Variants in ABCA12 observed in about 807,000 individuals in gnomAD.
ABCA12 encodes the protein glucosylceramide transporter ABCA12.
ABCA12 carries 156 observed loss-of-function variants against 293.5 expected under a neutral mutation model. That is an observed-to-expected ratio of 0.53 (90% CI 0.47 to 0.61). ABCA12 has a LOEUF of 0.61. ABCA12 is among the 20% of genes least tolerant of loss of function. ABCA12 has a pLI of 0.00. For synonymous variants in ABCA12, 1,063 were observed against 1,108.0 expected, an observed-to-expected ratio of 0.96 and a Z score of 0.81; for missense variants, 2,797 against 3,090.2, an observed-to-expected ratio of 0.91 and a Z score of 2.25.
Position 214,948,678 on chromosome 2 carries a change from GC to G in ABCA12, c.7021del (p.Ala2341ProfsTer2). 6.2e-7 allele frequency: 1 copy of G among 1,613,992 alleles called. No individual in the cohort carries two copies. On this transcript the variant is annotated frameshift_variant, in exon 47 of 53. Transcript: ENST00000272895. LOFTEE classifies it high-confidence loss of function. ...SLVGYCPQED[A>X]LDDLVTVEEH... ...TTCCACAGTTACCAGGTCATCTAAG[GC>G]ATCTTCCTGAGGACAGTAGCCAACT... is the stretch of plus-strand genomic sequence containing the variant.
Position 214,937,546 on chromosome 2 carries a change from C to T in ABCA12, c.7506G>A (p.Lys2502=). 6.2e-7 allele frequency: 1 copy of T among 1,613,940 alleles called. No homozygotes were observed. The highest frequency in any genetic ancestry group is 1.3e-5 in the African/African-American group (1 of 75,034). The change falls in exon 51 of 53, where the codon AAG becomes AAA. Residue 2502 remains lysine, a synonymous_variant. Transcript: ENST00000272895. ...NNKVTMETLT[K]FMQLHFPKTY... Reference sequence around the variant, plus strand: ...TTTTTGGAAAGTGCAGCTGCATGAACTTTGTGAGGGTCTCCATGGTCACTT... The same window carrying T: ...TTTTTGGAAAGTGCAGCTGCATGAATTTTGTGAGGGTCTCCATGGTCACTT...
intron 23 of ABCA12, among the ~76,000 whole-genome samples, chr2:214,995,101 G>C (rs1265584344): frequency 6.6e-6 from 1 of 151,886 alleles, no homozygotes; most frequent in Non-Finnish European, 1.5e-5. Flanking sequence ...TTATACTATG[G>C]GCTTACTTTA....
At chr2:215,009,392 C>G (rs1415808206) in intron 18 of ABCA12, among the ~76,000 whole-genome samples, 1 of 152,022 alleles carries the variant, frequency 6.6e-6, no homozygotes, top group East Asian at 1.9e-4. Flanking sequence ...ATAATCTGTA[C>G]AGCAAACCCC....
chr2:215,080,803 AG>A (rs1701922264), intron 2 of ABCA12: 1 of 153,030 alleles, frequency 6.5e-6, no homozygotes, highest in South Asian at 2.1e-4. Flanking sequence ...CGGTATCTTA[AG>A]TGCTGTATTC....
chr2:215,121,836 T>G (rs1354445574), intron 1 of ABCA12, among the ~76,000 whole-genome samples: 2 of 152,322 alleles, frequency 1.3e-5, no homozygotes, highest in East Asian at 3.9e-4. Context: ...CCTGCTGCCA[T>G]GTAAGATGTA....
At chr2:215,120,681 C>T (rs1702788793) in intron 1 of ABCA12, among the ~76,000 whole-genome samples, 1 of 152,050 alleles carries the variant, frequency 6.6e-6, no homozygotes, top group Non-Finnish European at 1.5e-5. Context: ...ATATATCTGC[C>T]ATATGGTTAT....
chr2:215,044,250 C>T (rs765280017), intron 7 of ABCA12, among the ~76,000 whole-genome samples: 2 of 152,116 alleles, frequency 1.3e-5, no homozygotes, highest in Admixed American at 6.5e-5. Flanking sequence ...TTCCAAATGA[C>T]TGTGTTGTTT....
chr2:214,934,287 C>T (rs1698153078), intron 51 of ABCA12, 72 bp from the exon 52 acceptor site: 1 of 1,552,136 alleles, frequency 6.4e-7, no homozygotes, highest in East Asian at 2.2e-5. Flanking sequence ...CATAACTTTA[C>T]CAAGAGTTCA....
chr2:214,955,132 A>T, intron 43 of ABCA12, 70 bp downstream of exon 43: 1 of 1,544,294 alleles, frequency 6.5e-7, no homozygotes, highest in Non-Finnish European at 8.9e-7. Flanking sequence ...TTTTATGTAG[A>T]ATAAATAAAA....
chr2:215,072,823 G>T (rs945776554), intron 2 of ABCA12, among the ~76,000 whole-genome samples: 1 of 152,150 alleles, frequency 6.6e-6, no homozygotes, highest in East Asian at 1.9e-4. Context: ...TTCGCCAGGC[G>T]CGGTGGCTCA....
chr2:215,133,389 A>G (rs1423824299), intron 1 of ABCA12, among the ~76,000 whole-genome samples: 1 of 151,644 alleles, frequency 6.6e-6, no homozygotes, highest in African/African-American at 2.4e-5. Context: ...CTTCTCTATC[A>G]AGAATTCCAA....
chr2:215,015,225 G>T (rs946583765), intron 15 of ABCA12, among the ~76,000 whole-genome samples: 1 of 151,560 alleles, frequency 6.6e-6, no homozygotes, highest in African/African-American at 2.4e-5. Flanking sequence ...GTATTTCACA[G>T]TAACAGTACA....
intron 28 of ABCA12, among the ~76,000 whole-genome samples, chr2:214,985,062 C>A (rs945330736): frequency 1.3e-5 from 2 of 152,214 alleles, no homozygotes; most frequent in Admixed American, 1.3e-4. Flanking sequence ...CCTTGCAGTG[C>A]AGACTTCTGG....
At position 215,052,542 on chromosome 2, in the gene ABCA12, C is replaced by G. The variant is rs1325801072; in HGVS notation, c.452G>C (p.Gly151Ala). The G allele has an allele frequency of 6.2e-7, 1 of 1,612,648 alleles. No homozygotes were observed. Among genetic ancestry groups the G allele is most frequent in the Admixed American group, 1.7e-5 (1 of 59,936 alleles). The change falls in exon 5 of 53, where the codon GGA becomes GCA. Residue 151 changes from glycine to alanine, a missense_variant. Gly to Ala is a moderately conservative substitution (Grantham distance 60, BLOSUM62 0). Transcript: ENST00000272895. The part of the protein sequence containing the change: ...PSPSSDLEIP[G>A]TYTFNGSQVL... ...TTGACTGCCATTGAAAGTATATGTT[C>G]CGGGGATTTCCAAATCAGAACTTGG...
chr2:215,117,308 G>A (rs775997941), intron 1 of ABCA12, among the ~76,000 whole-genome samples: 1 of 152,162 alleles, frequency 6.6e-6, no homozygotes, highest in Non-Finnish European at 1.5e-5. Context: ...TTGCATGCAA[G>A]TGTTGAGGTT....
chr2:214,932,147 T>A lies in ABCA12; in HGVS notation c.*487A>T, dbSNP rs1465117791. 9.9e-6 allele frequency: 2 copies of A among 201,702 alleles called. No homozygotes were observed. The highest frequency in any genetic ancestry group is 2.0e-5 in the Non-Finnish European group (2 of 98,666). The allele number at this position is 201,702 out of a possible 1,614,324, so 12.5% of individuals were successfully genotyped here. A position where few individuals can be genotyped will look rare whatever the true frequency, so the allele number is the denominator to read the frequency against. On this transcript the variant is annotated 3_prime_UTR_variant, in exon 53 of 53. Transcript: ENST00000272895. ...TGCTCTGCAAACGTTCATTTGGCCC[T>A]TAGCAGTTCACACATCACAGCCGAT...
chr2:214,975,813 C>T lies in ABCA12; in HGVS notation c.5353G>A (p.Gly1785Ser), dbSNP rs1699502021. ...PEIQISPSLY[G>S]TSEQTAFYAN... ...TAGAAGGCTGTCTGTTCGGAGGTAC[C>T]ATAAAGAGAGGGGGAGATCTGAATC... The change falls in exon 34 of 53, where the codon GGT becomes AGT. Residue 1785 changes from glycine to serine, a missense_variant. Coordinates refer to ENST00000272895, the MANE Select transcript of ABCA12 (RefSeq NM_173076.3). The T allele has an allele frequency of 1.2e-6, 2 of 1,613,980 alleles. No individual in the cohort carries two copies. The highest frequency in any genetic ancestry group is 2.2e-5 in the East Asian group (1 of 44,868).
intron 23 of ABCA12, among the ~76,000 whole-genome samples, chr2:214,996,491 A>C (rs1167890485): frequency 6.6e-6 from 1 of 152,154 alleles, no homozygotes; most frequent in African/African-American, 2.4e-5. Flanking sequence ...GGAACCTGAA[A>C]GATAACTAGA....
At chr2:214,994,612 C>T (rs187851738) in intron 23 of ABCA12, among the ~76,000 whole-genome samples, 102 of 152,258 alleles carry the variant, frequency 6.7e-4, no homozygotes, top group Middle Eastern at 3.4e-3. Flanking sequence ...ACATTTTCTA[C>T]CTCAATTTCT....
Sources: gnomAD v4.1 joint callset for allele counts (sites outside exome capture counted in the v4.1 genomes callset) on GRCh38, gnomAD v4.1.1 for gene constraint, MANE v1.5 for transcripts, NCBI Gene and HGNC (gene_info 2026-07-23, HGNC 2026-07-21) for gene names.